PLPPR4: variants seen among roughly 807,000 people sequenced by gnomAD.
PLPPR4 encodes phospholipid phosphatase-related protein type 4.
A neutral mutation model predicts 56.6 loss-of-function variants in PLPPR4; 24 were observed. That is an observed-to-expected ratio of 0.42 (90% CI 0.31 to 0.60). The LOEUF (loss-of-function observed/expected upper bound fraction) is 0.60. Ranked by LOEUF, PLPPR4 falls within the 20% of genes least tolerant of loss-of-function variation. The pLI, the probability that PLPPR4 is intolerant of heterozygous loss-of-function variation, is 0.13. For missense variants in PLPPR4, 654 were observed against 885.8 expected (o/e 0.74, Z 3.32); for synonymous variants, 326 against 328.1 (o/e 0.99, Z 0.07).
rs138792536 is a variant in PLPPR4, at chr1:99,306,847, G to A, written c.1985G>A (p.Gly662Asp). 3.1e-6 allele frequency: 5 copies of A among 1,614,142 alleles called. No homozygotes were observed. Among genetic ancestry groups the A allele is most frequent in the Non-Finnish European group, 4.2e-6 (5 of 1,180,016 alleles). ...ACCATCCGCGTCACCCCAGTAGAGG[G>A]CAGCGAAATTGGCTCAGAGACGCTG... The part of the protein sequence containing the change: ...ITTIRVTPVE[G>D]SEIGSETLSI... Residue 662 changes from glycine to aspartate, a missense_variant, in exon 7 of 7, where the codon GGC (glycine) becomes GAC (aspartate). By Grantham distance (94) the Gly-to-Asp change is moderately conservative. Around this residue, in one of 2 missense-constraint regions of PLPPR4, gnomAD observed 468 missense variants for 554.3 expected, o/e 0.84. Coordinates refer to ENST00000370185, the MANE Select transcript of PLPPR4 (RefSeq NM_014839.5). This position sits in a 1 kb window ranked among gnomAD's most constrained non-coding sequence, Gnocchi z 4.0.
At chr1:99,284,270 T>C (rs1659410597) in intron 1 of PLPPR4, among the ~76,000 whole-genome samples, 1 of 152,198 alleles carries the variant, frequency 6.6e-6, no homozygotes. Context: ...ATAAACATTG[T>C]CATTTAATTC....
Position 99,306,733 on chromosome 1 carries a change from G to C in PLPPR4, c.1871G>C (p.Ser624Thr). The change falls in exon 7 of 7, where the codon AGC becomes ACC. Residue 624 changes from serine (S) to threonine (T), a missense_variant. This residue lies in a region of PLPPR4 where 468 missense variants were observed against 554.3 expected (regional missense o/e 0.84). Transcript: ENST00000370185. The surrounding 1 kb of genome is among the most constrained non-coding windows in gnomAD (Gnocchi z 4.0). ...AACGATCTCAACAGGGACTCAGAAA[G>C]CTGTGAGTCTCTGAAAGACAGCTTT... ...ELNDLNRDSE[S>T]CESLKDSFGS... is the part of the protein sequence containing the mutation. 2 of 1,614,034 alleles carry C rather than the reference G, an allele frequency of 1.2e-6. No individual in the cohort carries two copies. Among genetic ancestry groups the C allele is most frequent in the South Asian group, 2.2e-5 (2 of 91,058 alleles).
At chr1:99,285,594 T>C (rs1442483931) in intron 1 of PLPPR4, among the ~76,000 whole-genome samples, 1 of 152,194 alleles carries the variant, frequency 6.6e-6, no homozygotes, top group East Asian at 1.9e-4. Context: ...AGAAAGATTA[T>C]GCAAGTTTAC....
intron 6 of PLPPR4, among the ~76,000 whole-genome samples, chr1:99,302,676 C>T (rs1659914908): frequency 1.7e-5 from 2 of 115,726 alleles, no homozygotes; most frequent in Non-Finnish European, 3.4e-5. Flanking sequence ...CCCCCCACCC[C>T]ACAACAGTCT....
chr1:99,305,844 C>T lies in PLPPR4; in HGVS notation c.982C>T (p.Leu328Phe). Residue 328 changes from leucine (L) to phenylalanine (F), a missense_variant, in exon 7 of 7, where the codon CTC becomes TTC. Transcript: ENST00000370185. ...TGGAATTGCTCATACAGAAGGCATC[C>T]TCAACCGAAACCACAGAGATGCTAG... ...SDGIAHTEGI[L>F]NRNHRDASSL... 6.2e-7 allele frequency: 1 copy of T among 1,614,074 alleles called. No homozygotes were observed. The highest frequency in any genetic ancestry group is 8.5e-7 in the Non-Finnish European group (1 of 1,180,012).
chr1:99,288,712 G>A (rs900692181), intron 2 of PLPPR4, among the ~76,000 whole-genome samples: 1 of 152,082 alleles, frequency 6.6e-6, no homozygotes, highest in African/African-American at 2.4e-5. Flanking sequence ...TTCAGAAAAG[G>A]CATTTTCATT....
chr1:99,270,013 G>GTGTGTGTGTGTT (rs1553190738), intron 1 of PLPPR4, among the ~76,000 whole-genome samples: 3 of 150,100 alleles, frequency 2.0e-5, no homozygotes, highest in Non-Finnish European at 3.0e-5. Context: ...GTGTGTGTGT[G>GTGTGTGTGTGTT]TGTGTGTGTG....
At chr1:99,295,622 A>G (rs1279364503) in intron 2 of PLPPR4, among the ~76,000 whole-genome samples, 3 of 152,220 alleles carry the variant, frequency 2.0e-5, no homozygotes, top group African/African-American at 7.2e-5. Flanking sequence ...TCTTTTAGGC[A>G]CAATTATCTC....
intron 6 of PLPPR4, among the ~76,000 whole-genome samples, chr1:99,302,747 G>A (rs982333554): frequency 2.1e-4 from 29 of 141,192 alleles, no homozygotes; most frequent in African/African-American, 7.7e-4. Flanking sequence ...TCCCATCTAT[G>A]AGTGAGAACA....
At chr1:99,305,580 G>A in intron 6 of PLPPR4, 105 bp from the exon 7 acceptor site, 1 of 1,032,068 alleles carries the variant, frequency 9.7e-7, no homozygotes, top group Non-Finnish European at 1.4e-6. Context: ...AGTCAATGGT[G>A]TATAGGAAGC....
intron 2 of PLPPR4, among the ~76,000 whole-genome samples, chr1:99,288,858 T>A (rs1031436078): frequency 1.3e-5 from 2 of 152,108 alleles, no homozygotes; most frequent in African/African-American, 4.8e-5. Context: ...TATGAATGTA[T>A]CAAATTATCA....
intron 1 of PLPPR4, among the ~76,000 whole-genome samples, chr1:99,278,143 T>G (rs1384045970): frequency 6.6e-6 from 1 of 152,162 alleles, no homozygotes. Flanking sequence ...ATCCATTGTA[T>G]AAGCTTCTAG....
chr1:99,277,351 A>G (rs1659214030), intron 1 of PLPPR4, among the ~76,000 whole-genome samples: 1 of 152,182 alleles, frequency 6.6e-6, no homozygotes, highest in Non-Finnish European at 1.5e-5. Context: ...GCACCAATTG[A>G]ATGGAAAGTT....
intron 3 of PLPPR4, among the ~76,000 whole-genome samples, chr1:99,297,696 C>T (rs938670590): frequency 2.0e-5 from 3 of 152,090 alleles, no homozygotes; most frequent in South Asian, 2.1e-4. Flanking sequence ...TCAGGTCTAA[C>T]TCATGCCCCA....
In PLPPR4 at chr1:99,288,163, C is replaced by A; in HGVS notation, c.264+13C>A. ...ACCTGCAATTACGGTAAGAATTACCCCCAAAATTGTGTTTATCTGTCCTGG... is the reference window on the plus strand; with the variant it reads ...ACCTGCAATTACGGTAAGAATTACCACCAAAATTGTGTTTATCTGTCCTGG... On this transcript the variant is annotated intron_variant, in intron 2 of 6. Coordinates refer to ENST00000370185, the MANE Select transcript of PLPPR4 (RefSeq NM_014839.5). 1.2e-6 allele frequency: 2 copies of A among 1,610,578 alleles called. No homozygotes were observed. Among genetic ancestry groups the A allele is most frequent in the Non-Finnish European group, 1.7e-6 (2 of 1,178,132 alleles).
chr1:99,283,651 A>G (rs72978863), intron 1 of PLPPR4, among the ~76,000 whole-genome samples: 7,082 of 152,244 alleles, frequency 0.047, 291 homozygotes, highest in East Asian at 0.17. Flanking sequence ...CTATTGCTGC[A>G]TAAAAATAGC....
At chr1:99,285,655 A>G (rs1246477351) in intron 1 of PLPPR4, among the ~76,000 whole-genome samples, 1 of 151,332 alleles carries the variant, frequency 6.6e-6, no homozygotes, top group African/African-American at 2.4e-5. Flanking sequence ...TCCTAACTAC[A>G]AAAAAAAAGA....
intron 1 of PLPPR4, among the ~76,000 whole-genome samples, chr1:99,275,168 T>C (rs1366801173): frequency 1.3e-5 from 2 of 152,184 alleles, no homozygotes; most frequent in East Asian, 1.9e-4. Context: ...ATAAATAATG[T>C]CTTCTTCATG....
intron 4 of PLPPR4, among the ~76,000 whole-genome samples, chr1:99,300,206 T>A (rs927820613): frequency 1.9e-4 from 29 of 152,036 alleles, no homozygotes; most frequent in Non-Finnish European, 1.5e-5. Flanking sequence ...GGCACTAATT[T>A]AAGTGAATTT....
Sources: gnomAD v4.1 joint callset for allele counts (sites outside exome capture counted in the v4.1 genomes callset) on GRCh38, gnomAD v4.1.1 for gene constraint, gnomAD v4.1.1 regional missense constraint, Gnocchi (gnomAD v3.1) non-coding constraint, MANE v1.5 for transcripts, NCBI Gene and HGNC (gene_info 2026-07-23, HGNC 2026-07-21) for gene names.